TSEN15: variants seen among roughly 807,000 people sequenced by gnomAD.
TSEN15 encodes tRNA splicing endonuclease subunit 15, also known as tRNA-splicing endonuclease subunit Sen15.
In TSEN15, 10 loss-of-function variants were observed where a neutral mutation model predicts 20.5. The observed-to-expected ratio is 0.49, with a 90% CI of 0.30 to 0.83. The LOEUF is 0.83. Among genes scored for constraint, TSEN15 ranks in the 40% least tolerant of loss-of-function variants. The pLI, the probability that TSEN15 is intolerant of heterozygous loss-of-function variation, is 0.06. For synonymous variants in TSEN15, 72 were observed against 80.1 expected (o/e 0.90, Z 0.54); for missense variants, 180 against 218.6 (o/e 0.82, Z 1.11).
chr1:184,082,016 T>C (rs189311326), intron 3 of TSEN15, among the ~76,000 whole-genome samples: 114 of 152,318 alleles, frequency 7.5e-4, no homozygotes, highest in African/African-American at 2.5e-3. Context: ...TGCGAGAATA[T>C]TTCTGAAGGA....
At chr1:184,088,208 A>G (rs1177416112) in intron 3 of TSEN15, among the ~76,000 whole-genome samples, 2 of 152,124 alleles carry the variant, frequency 1.3e-5, no homozygotes, top group East Asian at 1.9e-4. Context: ...GGGAGGGGCC[A>G]TGAGAGCCAC....
chr1:184,054,496 A>G, intron 2 of TSEN15, 61 bp downstream of exon 2: 1 of 1,334,794 alleles, frequency 7.5e-7, no homozygotes. Context: ...GGGGGGTTGG[A>G]TTGGGATATA....
At chr1:184,054,635 GA>G in intron 2 of TSEN15, 92 bp from the exon 3 acceptor site, 1 of 1,419,770 alleles carries the variant, frequency 7.0e-7, no homozygotes, top group South Asian at 1.4e-5. Context: ...TGTTACGAGT[GA>G]TATTTGCTCA....
At chr1:184,052,028 C>T (rs1650071719) in intron 1 of TSEN15, 138 bp downstream of exon 1, 2 of 923,414 alleles carry the variant, frequency 2.2e-6, no homozygotes, top group Non-Finnish European at 2.9e-6. Context: ...CCGGTGTGCA[C>T]AACTGCCAGC....
At chr1:184,076,066 A>G (rs1651055841), downstream of TSEN15, among the ~76,000 whole-genome samples, 1 of 151,976 alleles carries the variant, frequency 6.6e-6, no homozygotes, top group Non-Finnish European at 1.5e-5. Context: ...GGTAAAAGAT[A>G]TACATTGCTG....
rs898748243 is a variant in TSEN15, at chr1:184,054,221, A to G, written c.136-133A>G. On this transcript the variant is annotated intron_variant, in intron 1 of 4. Transcript: ENST00000645668. ...TCTTTAGAGACAGAGATAAGATCTTATATTGCCTTTTAACTTCCACTATAC... is the reference window on the plus strand; with the variant it reads ...TCTTTAGAGACAGAGATAAGATCTTGTATTGCCTTTTAACTTCCACTATAC... The G allele has an allele frequency of 9.0e-6, 5 of 554,040 alleles. No individual in the cohort carries two copies. In the African/African-American group the frequency reaches 9.5e-5, roughly 11 times the overall value. 34.3% of individuals were successfully genotyped at this position (554,040 alleles called of 1,614,324 possible). A position where few individuals can be genotyped will look rare whatever the true frequency, so the allele number is the denominator to read the frequency against.
intron 3 of TSEN15, among the ~76,000 whole-genome samples, chr1:184,063,172 G>T (rs567935312): frequency 1.3e-5 from 2 of 151,970 alleles, no homozygotes; most frequent in African/African-American, 4.8e-5. Context: ...TTATTGTTTC[G>T]TGGCAGTTGG....
chr1:184,056,868 C>A, intron 3 of TSEN15, among the ~76,000 whole-genome samples: 1 of 152,152 alleles, frequency 6.6e-6, no homozygotes, highest in South Asian at 2.1e-4. Flanking sequence ...AATACCATAT[C>A]TCTTAATCGC....
chr1:184,064,640 A>G (rs1389041047), intron 3 of TSEN15, among the ~76,000 whole-genome samples: 1 of 152,194 alleles, frequency 6.6e-6, no homozygotes, highest in Non-Finnish European at 1.5e-5. Flanking sequence ...GGTAAGAGAA[A>G]GTTAAATCAA....
At chr1:184,090,222 A>G (rs1041253610) in intron 3 of TSEN15, among the ~76,000 whole-genome samples, 6 of 152,264 alleles carry the variant, frequency 3.9e-5, no homozygotes, top group African/African-American at 7.2e-5. Flanking sequence ...CAAAACCCAA[A>G]GCATTTATGC....
intron 3 of TSEN15, among the ~76,000 whole-genome samples, chr1:184,086,035 A>C (rs1651255934): frequency 6.6e-6 from 1 of 152,188 alleles, no homozygotes; most frequent in African/African-American, 2.4e-5. Flanking sequence ...CAATATCAAC[A>C]GTGTTTTCCT....
At chr1:184,093,757 A>G (rs1001498238) in intron 3 of TSEN15, 2 of 152,176 alleles carry the variant, frequency 1.3e-5, no homozygotes, top group African/African-American at 2.4e-5. Flanking sequence ...GGAGTGCACT[A>G]TAGTAATTAG....
chr1:184,073,084 G>T lies in TSEN15; in HGVS notation c.*237G>T. 1 of 500,976 alleles carries T rather than the reference G, an allele frequency of 2.0e-6. No homozygotes were observed. Among genetic ancestry groups the T allele is most frequent in the Non-Finnish European group, 3.5e-6 (1 of 287,618 alleles). 31.0% of individuals were successfully genotyped at this position (500,976 alleles called of 1,614,324 possible). ...GTTATCTAGAGACAGTTTAATTACA[G>T]TTATATACAGGTTTATGCCTAGGAT... On this transcript the variant is annotated 3_prime_UTR_variant, in exon 5 of 5. Transcript: ENST00000645668.
chr1:184,054,065 C>T (rs796545053), intron 1 of TSEN15, among the ~76,000 whole-genome samples: 16 of 152,324 alleles, frequency 1.1e-4, no homozygotes, highest in African/African-American at 3.6e-4. Context: ...TCACCAGTCC[C>T]TCTGAGTAGA....
rs543212100 is a variant in TSEN15 at position 184,072,418 on chromosome 1, G to GA, written c.495+127dup. On this transcript the variant is annotated intron_variant, in intron 4 of 4. Transcript: ENST00000645668. ...TTCCTTTGCCATAGGGAAAATTCAAGAAAAAAAGTCTTGATTTTCAGACGT... is the reference window on the plus strand; with the variant it reads ...TTCCTTTGCCATAGGGAAAATTCAAGAAAAAAAAGTCTTGATTTTCAGACGT... 2.7e-3 allele frequency: 2,599 copies of GA among 947,764 alleles called. 5 individuals are homozygous for GA. Among genetic ancestry groups the GA allele is most frequent in the Non-Finnish European group, 3.3e-3 (2,275 of 679,398 alleles). The allele number at this position is 947,764 out of a possible 1,614,324, so 58.7% of individuals were successfully genotyped here.
intron 4 of TSEN15, 187 bp from the exon 5 acceptor site, chr1:184,072,639 AT>A: frequency 1.6e-6 from 1 of 626,786 alleles, no homozygotes; most frequent in South Asian, 2.1e-5. Flanking sequence ...AAAAACGCTT[AT>A]TTAAGAAATG....
At chr1:184,058,057 TA>T (rs1650311039) in intron 3 of TSEN15, 2 of 346,554 alleles carry the variant, frequency 5.8e-6, no homozygotes, top group African/African-American at 4.3e-5. Flanking sequence ...CATTTATTCC[TA>T]AAAAATAAAA....
intron 3 of TSEN15, among the ~76,000 whole-genome samples, chr1:184,091,123 C>A (rs1651348505): frequency 6.6e-6 from 1 of 152,138 alleles, no homozygotes; most frequent in African/African-American, 2.4e-5. Context: ...ACTTACTTTT[C>A]AAAATACAGC....
chr1:184,054,920 A>G, intron 3 of TSEN15, 57 bp downstream of exon 3: 2 of 1,551,260 alleles, frequency 1.3e-6, no homozygotes, highest in Admixed American at 3.9e-5. Context: ...AGGAAACATT[A>G]AACATAGTGA....
Sources: allele counts gnomAD v4.1 joint callset (sites outside exome capture counted in the v4.1 genomes callset), GRCh38; gene constraint gnomAD v4.1.1; transcripts MANE v1.5; gene names NCBI Gene and HGNC (gene_info 2026-07-23, HGNC 2026-07-21).